The following CES5A variants were observed in gnomAD, a reference collection of about 807,000 sequenced individuals.
CES5A encodes the protein carboxylesterase 5.
CES5A carries 67 observed loss-of-function variants against 62.9 expected under a neutral mutation model. That is an observed-to-expected ratio of 1.07 (90% CI 0.88 to 1.31). The LOEUF is 1.31. Among genes scored for constraint, CES5A ranks in the 50% most tolerant of loss-of-function variants. CES5A has a pLI of 0.00. For synonymous variants in CES5A, 296 were observed against 280.8 expected, an observed-to-expected ratio of 1.05 and a Z score of -0.54; for missense variants, 748 against 708.5, an observed-to-expected ratio of 1.06 and a Z score of -0.63.
chr16:55,942,738 G>A (rs1465421450), intron 2 of CES5A, among the ~76,000 whole-genome samples: 1 of 152,198 alleles, frequency 6.6e-6, no homozygotes, highest in African/African-American at 2.4e-5. Context: ...GCTCATTGCA[G>A]TCTTAATCAT....
intron 4 of CES5A, among the ~76,000 whole-genome samples, chr16:55,867,449 C>G (rs1374574862): frequency 1.3e-5 from 2 of 152,184 alleles, no homozygotes; most frequent in African/African-American, 2.4e-5. Context: ...CAGTGCACGT[C>G]ACCCTGGGGC....
At chr16:55,945,826 A>G (rs1262056873) in intron 2 of CES5A, among the ~76,000 whole-genome samples, 1 of 152,180 alleles carries the variant, frequency 6.6e-6, no homozygotes, top group African/African-American at 2.4e-5. Context: ...TCCTAGGCCC[A>G]GATGATCTTA....
chr16:55,928,060 G>A (rs377732294), upstream of CES5A, among the ~76,000 whole-genome samples: 1 of 152,096 alleles, frequency 6.6e-6, no homozygotes, highest in East Asian at 1.9e-4. Flanking sequence ...TGGCTAGCAC[G>A]GTGAAACCCC....
chr16:55,851,822 G>A (rs139701402), intron 10 of CES5A, among the ~76,000 whole-genome samples: 6 of 152,310 alleles, frequency 3.9e-5, no homozygotes, highest in Middle Eastern at 3.4e-3. Flanking sequence ...TACACAAAAT[G>A]TGATATATAC....
chr16:55,888,010 AC>A (rs2142430279), intron 1 of CES5A, among the ~76,000 whole-genome samples: 1 of 152,260 alleles, frequency 6.6e-6, no homozygotes, highest in East Asian at 1.9e-4. Flanking sequence ...GTCTGGTGAT[AC>A]CTGGACATAG....
intron 1 of CES5A, among the ~76,000 whole-genome samples, chr16:55,924,013 G>A (rs1400589903): frequency 2.0e-5 from 3 of 151,878 alleles, no homozygotes; most frequent in South Asian, 2.1e-4. Context: ...AATAAGACAA[G>A]TATGCCCACT....
In CES5A at chr16:55,856,414, T is replaced by C. The variant is rs2033244101; in HGVS notation, c.1088A>G (p.Asn363Ser). The C allele has an allele frequency of 6.2e-7, 1 of 1,614,134 alleles. No individual in the cohort carries two copies. Among genetic ancestry groups the C allele is most frequent in the African/African-American group, 1.3e-5 (1 of 75,054 alleles). The change falls in exon 9 of 13, where the codon AAC becomes AGC. Residue 363 changes from asparagine to serine, a missense_variant. Asn to Ser is a conservative substitution (Grantham distance 46). Coordinates refer to ENST00000290567, the MANE Select transcript of CES5A (RefSeq NM_001143685.2). The stretch of plus-strand genomic sequence containing the variant: ...TATCAGATGGAGGGCAAGGGACTTG[T>C]TGGAGCCACTGAGGATCTCAGGAGC... ...KEAPEILSGS[N>S]KSLALHLIQN...
At chr16:55,874,104 T>G in intron 1 of CES5A, 67 bp from the exon 2 acceptor site, 1 of 1,418,346 alleles carries the variant, frequency 7.1e-7, no homozygotes, top group Non-Finnish European at 9.6e-7. Context: ...CCACCCAGTC[T>G]GGAGCTCCCC....
At chr16:55,854,367 G>A (rs1233068235) in intron 9 of CES5A, among the ~76,000 whole-genome samples, 4 of 151,614 alleles carry the variant, frequency 2.6e-5, no homozygotes, top group Non-Finnish European at 5.9e-5. Context: ...AGATCAATGA[G>A]CATCTTCTCC....
intron 8 of CES5A, 48 bp from the exon 9 acceptor site, chr16:55,856,493 T>C (rs1474386063): frequency 6.4e-7 from 1 of 1,561,756 alleles, no homozygotes; most frequent in South Asian, 1.1e-5. Flanking sequence ...CATGAGAAGG[T>C]AAACCCATCT....
At chr16:55,942,025 T>C (rs752965394) in intron 2 of CES5A, among the ~76,000 whole-genome samples, 8 of 152,292 alleles carry the variant, frequency 5.3e-5, no homozygotes, top group East Asian at 3.9e-4. Flanking sequence ...AAACAATCCA[T>C]ATGGAAATGA....
chr16:55,875,919 C>CA (rs2142418961), upstream of CES5A, among the ~76,000 whole-genome samples: 1 of 152,332 alleles, frequency 6.6e-6, no homozygotes, highest in East Asian at 1.9e-4. Flanking sequence ...TAAAGCACTT[C>CA]ACACAAACTA....
At chr16:55,854,533 T>TTCTGTTTTTTTTC (rs554381792) in intron 9 of CES5A, among the ~76,000 whole-genome samples, 1 of 12,358 alleles carries the variant, frequency 8.1e-5, no homozygotes, top group East Asian at 2.0e-3. Context: ...TAGTGTTTCT[T>TTCTGTTTTTTTTC]TTTTTTTTTT....
rs62036979 is a variant in CES5A, at chr16:55,935,559, A to T, written c.160+14226T>A. On this transcript the variant is annotated intron_variant, in intron 2 of 13. Coordinates refer to the CES5A transcript ENST00000521992. ...ATCATCACATCCATCTTAGAATATG[A>T]TTTCTTCTCCTTCCATATATCCAAA... Among the ~76,000 whole-genome samples the T allele has an allele frequency of 5.1e-3, 770 of 152,226 alleles. 1 individual carries two copies. Among genetic ancestry groups the T allele is most frequent in the Middle Eastern group, 0.02 (6 of 294 alleles).
chr16:55,902,203 T>C (rs918072414), intron 1 of CES5A, among the ~76,000 whole-genome samples: 1 of 152,094 alleles, frequency 6.6e-6, no homozygotes, highest in Non-Finnish European at 1.5e-5. Context: ...GGATGAGAAA[T>C]GCGAACATTT....
chr16:55,846,866 G>T, intron 11 of CES5A, 26 bp from the exon 12 acceptor site: 1 of 1,605,840 alleles, frequency 6.2e-7, no homozygotes, highest in Non-Finnish European at 8.5e-7. Flanking sequence ...ACAAAATGCT[G>T]CTGCTCTGGG....
At chr16:55,901,813 G>C (rs570143541) in intron 1 of CES5A, among the ~76,000 whole-genome samples, 1 of 152,102 alleles carries the variant, frequency 6.6e-6, no homozygotes, top group Non-Finnish European at 1.5e-5. Context: ...TGACCCCACT[G>C]GTGTTGTTCC....
At chr16:55,923,176 G>A (rs1313470109) in intron 1 of CES5A, among the ~76,000 whole-genome samples, 1 of 151,316 alleles carries the variant, frequency 6.6e-6, no homozygotes, top group African/African-American at 2.4e-5. Flanking sequence ...AAATAATAAA[G>A]ATCAGAGCAG....
intron 2 of CES5A, chr16:55,944,306 G>T: frequency 1.7e-6 from 1 of 582,170 alleles, no homozygotes; most frequent in South Asian, 2.2e-5. Flanking sequence ...TTGTTGAGAA[G>T]ATCTAATGAA....
Sources: gnomAD v4.1 joint callset for allele counts (sites outside exome capture counted in the v4.1 genomes callset) on GRCh38, gnomAD v4.1.1 for gene constraint, MANE v1.5 for transcripts, NCBI Gene and HGNC (gene_info 2026-07-23, HGNC 2026-07-21) for gene names.